Variants in UNC5D observed in about 807,000 individuals in gnomAD.
The protein encoded by UNC5D is unc-5 netrin receptor D.
In UNC5D, 39 loss-of-function variants were observed where a neutral mutation model predicts 105.4. The ratio of observed to expected loss-of-function variants is 0.37; its 90% CI spans 0.29 to 0.48. The LOEUF is 0.48. Among genes scored for constraint, UNC5D ranks in the 20% least tolerant of loss-of-function variants. The probability of loss-of-function intolerance (pLI) is 0.98; values close to 1 mark genes in which losing one functional copy is unlikely to be tolerated. For synonymous variants in UNC5D, 452 were observed against 450.4 expected (o/e 1.00, Z -0.04); for missense variants, 991 against 1,202.4 (o/e 0.82, Z 2.60).
intron 1 of UNC5D, among the ~76,000 whole-genome samples, chr8:35,537,742 TATA>T (rs1477652392): frequency 1.3e-5 from 2 of 150,334 alleles, no homozygotes; most frequent in Non-Finnish European, 3.0e-5. Flanking sequence ...TATTTATACA[TATA>T]ATTAAATAAA....
intron 1 of UNC5D, among the ~76,000 whole-genome samples, chr8:35,311,601 T>G (rs1808890143): frequency 1.3e-5 from 2 of 152,138 alleles, no homozygotes; most frequent in South Asian, 4.1e-4. Flanking sequence ...TTGTTTCATT[T>G]GGCAAGTACT....
At chr8:35,268,124 T>G (rs1382796117) in intron 1 of UNC5D, among the ~76,000 whole-genome samples, 4 of 152,322 alleles carry the variant, frequency 2.6e-5, no homozygotes, top group Admixed American at 2.6e-4. Flanking sequence ...TTAGAAAACT[T>G]AGAAACATAA....
intron 1 of UNC5D, among the ~76,000 whole-genome samples, chr8:35,283,481 G>T (rs1331032102): frequency 6.6e-6 from 1 of 152,070 alleles, no homozygotes; most frequent in Non-Finnish European, 1.5e-5. Flanking sequence ...CTCATACCTG[G>T]CCAGGCATGG....
chr8:35,724,100 G>A (rs1828730562), intron 9 of UNC5D: 2 of 1,373,328 alleles, frequency 1.5e-6, no homozygotes, highest in African/African-American at 2.9e-5. Context: ...GCACCAGGCA[G>A]CAGGTGAGAA....
intron 1 of UNC5D, among the ~76,000 whole-genome samples, chr8:35,496,157 A>G (rs570150821): frequency 6.6e-6 from 1 of 152,228 alleles, no homozygotes; most frequent in Non-Finnish European, 1.5e-5. Flanking sequence ...CTTCAGGTGC[A>G]ATCTAAAGGA....
intron 9 of UNC5D, among the ~76,000 whole-genome samples, chr8:35,722,860 G>A (rs1365199377): frequency 6.6e-6 from 1 of 152,010 alleles, no homozygotes; most frequent in Non-Finnish European, 1.5e-5. Flanking sequence ...AGATTTTAGA[G>A]AATAGATGAT....
intron 1 of UNC5D, among the ~76,000 whole-genome samples, chr8:35,430,286 A>G (rs909747665): frequency 2.6e-5 from 4 of 152,080 alleles, no homozygotes; most frequent in African/African-American, 9.7e-5. Context: ...GAGAGCTTCC[A>G]GATAGCCGAA....
chr8:35,465,674 T>A (rs903221003), intron 1 of UNC5D, among the ~76,000 whole-genome samples: 1 of 152,180 alleles, frequency 6.6e-6, no homozygotes, highest in Non-Finnish European at 1.5e-5. Flanking sequence ...AGAATAATGG[T>A]CTCCCAGAGA....
chr8:35,401,843 A>G (rs1300791214), intron 1 of UNC5D, among the ~76,000 whole-genome samples: 2 of 152,238 alleles, frequency 1.3e-5, no homozygotes, highest in South Asian at 2.1e-4. Context: ...GAAGCCTTCA[A>G]AAGAAACTGG....
Position 35,793,218 on chromosome 8 carries a change from T to A in UNC5D, c.*2655T>A, listed in dbSNP as rs1354417653. 1 of 439,786 alleles carries A rather than the reference T, an allele frequency of 2.3e-6. No individual in the cohort carries two copies. Among genetic ancestry groups the A allele is most frequent in the Non-Finnish European group, 4.6e-6 (1 of 219,616 alleles). The allele number at this position is 439,786 out of a possible 1,614,324, so 27.2% of individuals were successfully genotyped here. A position where few individuals can be genotyped will look rare whatever the true frequency, so the allele number is the denominator to read the frequency against. ...GTCAGGATTGCACAGTATGTTACAA[T>A]ACAATTTCAAAGAGAACCCACATTT... is the stretch of plus-strand genomic sequence containing the variant. On this transcript the variant is annotated 3_prime_UTR_variant, in exon 17 of 17. Transcript: ENST00000404895.
intron 1 of UNC5D, among the ~76,000 whole-genome samples, chr8:35,518,786 G>A (rs911341832): frequency 2.0e-5 from 3 of 152,132 alleles, no homozygotes; most frequent in Admixed American, 6.5e-5. Context: ...GTGGTCAAAG[G>A]AATTGGGTAT....
At chr8:35,468,074 T>C (rs1297037450) in intron 1 of UNC5D, among the ~76,000 whole-genome samples, 1 of 152,212 alleles carries the variant, frequency 6.6e-6, no homozygotes, top group Non-Finnish European at 1.5e-5. Flanking sequence ...GATATTTACC[T>C]GCTTTTACTA....
intron 1 of UNC5D, among the ~76,000 whole-genome samples, chr8:35,473,240 TGG>T (rs960827320): frequency 2.0e-5 from 3 of 151,972 alleles, no homozygotes; most frequent in African/African-American, 4.8e-5. Flanking sequence ...TCCCAGAGGA[TGG>T]GGAGGGGAGA....
intron 7 of UNC5D, among the ~76,000 whole-genome samples, chr8:35,704,960 C>CTTTTT (rs1001514087): frequency 1.0e-4 from 12 of 115,578 alleles, no homozygotes; most frequent in African/African-American, 1.7e-4. Flanking sequence ...TGCTGAATGC[C>CTTTTT]TTTTTTTTTT....
At chr8:35,309,084 G>A (rs140130800) in intron 1 of UNC5D, among the ~76,000 whole-genome samples, 29 of 152,174 alleles carry the variant, frequency 1.9e-4, no homozygotes, top group East Asian at 7.7e-4. Flanking sequence ...GCTGAGGGTC[G>A]ATCCCTAATC....
intron 8 of UNC5D, among the ~76,000 whole-genome samples, chr8:35,707,717 CACTT>C (rs1394600881): frequency 1.3e-5 from 2 of 152,150 alleles, no homozygotes; most frequent in Non-Finnish European, 2.9e-5. Flanking sequence ...ATTAATTTCA[CACTT>C]AGTTTGTGAG....
intron 4 of UNC5D, among the ~76,000 whole-genome samples, chr8:35,658,056 T>C (rs1823881241): frequency 6.6e-6 from 1 of 152,184 alleles, no homozygotes; most frequent in Non-Finnish European, 1.5e-5. Flanking sequence ...ACCAGTAAAC[T>C]AACAGATGTA....
rs76100353 is a variant in UNC5D at position 35,354,164 on chromosome 8, A to AT, written c.103+118284dup. The stretch of plus-strand genomic sequence containing the variant: ...TTTATTGGAATCACAGCATATTGCT[A>AT]TTTTTTTCACTTGTCCCCAAGTGTT... On this transcript the variant is annotated intron_variant, in intron 1 of 16. Transcript: ENST00000404895. Among the ~76,000 whole-genome samples the AT allele has an allele frequency of 6.3e-4, 96 of 152,160 alleles. No individual in the cohort carries two copies. In the East Asian group the frequency reaches 0.018, roughly 28 times the overall value.
chr8:35,236,326 T>G (rs1802457681), intron 1 of UNC5D, among the ~76,000 whole-genome samples: 1 of 141,404 alleles, frequency 7.1e-6, no homozygotes, highest in African/African-American at 2.6e-5. Context: ...TAGGGTGGGC[T>G]TGAACAGAGA....
Sources: allele counts gnomAD v4.1 joint callset (sites outside exome capture counted in the v4.1 genomes callset), GRCh38; gene constraint gnomAD v4.1.1; transcripts MANE v1.5; gene names NCBI Gene and HGNC (gene_info 2026-07-23, HGNC 2026-07-21).